LRRC14: variants seen among roughly 807,000 people sequenced by gnomAD.
LRRC14 encodes the protein leucine-rich repeat-containing protein 14.
Under a neutral mutation model 25.3 loss-of-function variants are expected in LRRC14, and 16 were observed. The ratio of observed to expected loss-of-function variants is 0.63; its 90% confidence interval spans 0.43 to 0.96. The LOEUF (loss-of-function observed/expected upper bound fraction) is 0.96. Ranked by LOEUF, LRRC14 falls within the 40% of genes least tolerant of loss-of-function variation. The probability of loss-of-function intolerance (pLI) is 0.00; values close to 1 mark genes in which losing one functional copy is unlikely to be tolerated. For missense variants in LRRC14, 594 were observed against 660.5 expected, an observed-to-expected ratio of 0.90 and a Z score of 1.10; for synonymous variants, 359 against 295.1, an observed-to-expected ratio of 1.22 and a Z score of -2.22.
Position 144,520,225 on chromosome 8 carries a change from T to C in LRRC14, c.330-13T>C, listed in dbSNP as rs1261471168. On this transcript the variant is annotated splice_polypyrimidine_tract_variant and intron_variant, in intron 2 of 3. Coordinates refer to ENST00000292524, the MANE Select transcript of LRRC14 (RefSeq NM_014665.4). The stretch of plus-strand genomic sequence containing the variant: ...GCCCCTCCACCCCTTCCTCACACCA[T>C]TCCTACTCCCAGGAAGCATGCGCTG... The C allele has an allele frequency of 6.2e-7, 1 of 1,603,482 alleles. No homozygotes were observed. Among genetic ancestry groups the C allele is most frequent in the Non-Finnish European group, 8.5e-7 (1 of 1,179,144 alleles).
In LRRC14 at chr8:144,520,231, C is replaced by T. The variant is rs1815911573; in HGVS notation, c.330-7C>T. The T allele has an allele frequency of 2.5e-6, 4 of 1,604,862 alleles. No individual in the cohort carries two copies. The highest frequency in any genetic ancestry group is 3.4e-6 in the Non-Finnish European group (4 of 1,179,306). ...CCACCCCTTCCTCACACCATTCCTACTCCCAGGAAGCATGCGCTGCGGGTG... is the reference window on the plus strand; with the variant it reads ...CCACCCCTTCCTCACACCATTCCTATTCCCAGGAAGCATGCGCTGCGGGTG... On this transcript the variant is annotated splice_polypyrimidine_tract_variant and splice_region_variant and intron_variant, in intron 2 of 3. Coordinates refer to ENST00000292524, the MANE Select transcript of LRRC14 (RefSeq NM_014665.4).
chr8:144,521,388 G>C lies in LRRC14; in HGVS notation c.1392G>C (p.Leu464Phe), dbSNP rs1308102943. 1 of 1,612,144 alleles carries C rather than the reference G, an allele frequency of 6.2e-7. No homozygotes were observed. The highest frequency in any genetic ancestry group is 8.5e-7 in the Non-Finnish European group (1 of 1,180,008). The change falls in exon 4 of 4, where the codon TTG becomes TTC. Residue 464 changes from leucine (L) to phenylalanine (F), a missense_variant. Transcript: ENST00000292524. ...EEKFARVEAELHQLLLASGRA... is the reference protein window; with the variant it reads ...EEKFARVEAEFHQLLLASGRA... ...AGTTTGCCCGCGTAGAAGCTGAGTT[G>C]CACCAGCTGCTTCTAGCCTCAGGCC...
chr8:144,524,730 G>A lies in LRRC14; in HGVS notation c.*3252G>A, dbSNP rs184622405. Reference sequence around the variant, plus strand: ...CTGCAGGAACAGTGTCTGCAGGCCGGGGAAAGAGGAGGCGCTTACCCCGTT... The same window carrying A: ...CTGCAGGAACAGTGTCTGCAGGCCGAGGAAAGAGGAGGCGCTTACCCCGTT... On this transcript the variant is annotated 3_prime_UTR_variant, in exon 4 of 4. Transcript: ENST00000292524. 419 of 1,443,786 alleles carry A rather than the reference G, an allele frequency of 2.9e-4. 1 individual carries two copies. The African/African-American group carries it at 5.9e-3, about 20-fold the overall frequency. The allele number at this position is 1,443,786 out of a possible 1,614,324, so 89.4% of individuals were successfully genotyped here.
chr8:144,520,516 AG>A lies in LRRC14; in HGVS notation c.610del (p.Asp204ThrfsTer36). 6.3e-7 allele frequency: 1 copy of A among 1,599,206 alleles called. No individual in the cohort carries two copies. The highest frequency in any genetic ancestry group is 8.5e-7 in the Non-Finnish European group (1 of 1,179,230). On this transcript the variant is annotated frameshift_variant, in exon 3 of 4. Transcript: ENST00000292524. LOFTEE classifies it high-confidence loss of function. Reference protein sequence around the residue: ...LRLCCRDLRAEDLPMRNTVAL... With the variant: ...LRLCCRDLRAXDLPMRNTVAL... ...CTCTGCTGCCGGGACCTGCGAGCTG[AG>A]GACCTGCCCATGCGCAACACTGTGG...
rs1407307656 is a variant in LRRC14, at chr8:144,524,460, A to G, written c.*2982A>G. On this transcript the variant is annotated 3_prime_UTR_variant, in exon 4 of 4. Transcript: ENST00000292524. ...GCTCACCGGCAGGTGCAAGAAGGTGAAATCCAGCAGCCGCGCCAGCTGGTT... is the reference window on the plus strand; with the variant it reads ...GCTCACCGGCAGGTGCAAGAAGGTGGAATCCAGCAGCCGCGCCAGCTGGTT... 2.5e-6 allele frequency: 4 copies of G among 1,597,962 alleles called. No homozygotes were observed. Among genetic ancestry groups the G allele is most frequent in the Non-Finnish European group, 3.4e-6 (4 of 1,179,850 alleles).
Position 144,524,875 on chromosome 8 carries a change from C to G in LRRC14, c.*3397C>G. Reference sequence around the variant, plus strand: ...CGCAACCGCAGGGCGCCACACTCCACCGTGGCGCTGTAGCAGCGGCAGGCT... The same window carrying G: ...CGCAACCGCAGGGCGCCACACTCCAGCGTGGCGCTGTAGCAGCGGCAGGCT... On this transcript the variant is annotated 3_prime_UTR_variant, in exon 4 of 4. Transcript: ENST00000292524. 6.6e-7 allele frequency: 1 copy of G among 1,512,584 alleles called. No homozygotes were observed. The allele number at this position is 1,512,584 out of a possible 1,614,324, so 93.7% of individuals were successfully genotyped here.
chr8:144,522,689 G>T lies in LRRC14; in HGVS notation c.*1211G>T, dbSNP rs764602638. On this transcript the variant is annotated 3_prime_UTR_variant, in exon 4 of 4. Coordinates refer to ENST00000292524, the MANE Select transcript of LRRC14 (RefSeq NM_014665.4). ...GTCCAAGTAGTCGTTGACGAACAGC[G>T]CTCCCTCCCCCGGAGGCCCCCGCGC... 11 of 1,596,338 alleles carry T rather than the reference G, an allele frequency of 6.9e-6. No individual in the cohort carries two copies. The highest frequency in any genetic ancestry group is 9.4e-6 in the Non-Finnish European group (11 of 1,172,656).
Position 144,524,525 on chromosome 8 carries a change from G to A in LRRC14, c.*3047G>A. 1 of 1,591,462 alleles carries A rather than the reference G, an allele frequency of 6.3e-7. No individual in the cohort carries two copies. Among genetic ancestry groups the A allele is most frequent in the Non-Finnish European group, 8.5e-7 (1 of 1,177,266 alleles). ...GCACGCGCAGCTGGGCCAGGCCTAC[G>A]AAGGCGCCGCTGCGCAAGCCGCGCA... is the stretch of plus-strand genomic sequence containing the variant. On this transcript the variant is annotated 3_prime_UTR_variant, in exon 4 of 4. Coordinates refer to ENST00000292524, the MANE Select transcript of LRRC14 (RefSeq NM_014665.4).
rs1392467660 is a variant in LRRC14 at position 144,523,605 on chromosome 8, C to T, written c.*2127C>T. ...AGGCCCTTCACCCTCGCCCCCCTCC[C>T]CTTTAGCTCTGTGATGCCTGCCTGT... On this transcript the variant is annotated 3_prime_UTR_variant, in exon 4 of 4. Coordinates refer to ENST00000292524, the MANE Select transcript of LRRC14 (RefSeq NM_014665.4). The T allele has an allele frequency of 5.1e-6, 4 of 788,594 alleles. No homozygotes were observed. Among genetic ancestry groups the T allele is most frequent in the African/African-American group, 3.6e-5 (2 of 54,896 alleles). 48.8% of individuals were successfully genotyped at this position (788,594 alleles called of 1,614,324 possible). A position where few individuals can be genotyped will look rare whatever the true frequency, so the allele number is the denominator to read the frequency against.
At chr8:144,520,132 G>C in intron 2 of LRRC14, 78 bp downstream of exon 2, 1 of 1,569,666 alleles carries the variant, frequency 6.4e-7, no homozygotes, top group Admixed American at 1.7e-5. Context: ...CATAAAGTTA[G>C]CAAGAGCTCA....
rs780376130 is a variant in LRRC14 at position 144,521,359 on chromosome 8, G to A, written c.1363G>A (p.Glu455Lys). 4 of 1,612,878 alleles carry A rather than the reference G, an allele frequency of 2.5e-6. No homozygotes were observed. In the East Asian group the frequency reaches 8.9e-5, roughly 36 times the overall value. Residue 455 changes from glutamate to lysine, a missense_variant, in exon 4 of 4, where the codon GAG becomes AAG. Transcript: ENST00000292524. The stretch of plus-strand genomic sequence containing the variant: ...CCTGCTGGAGGCCTCCATCAATGAG[G>A]AGAAGTTTGCCCGCGTAGAAGCTGA... ...SVLLEASINE[E>K]KFARVEAELH...
chr8:144,521,574 C>G lies in LRRC14; in HGVS notation c.*96C>G. The G allele has an allele frequency of 8.1e-7, 1 of 1,238,154 alleles. No homozygotes were observed. The highest frequency in any genetic ancestry group is 1.1e-6 in the Non-Finnish European group (1 of 911,402). The allele number at this position is 1,238,154 out of a possible 1,614,324, so 76.7% of individuals were successfully genotyped here. On this transcript the variant is annotated 3_prime_UTR_variant, in exon 4 of 4. Transcript: ENST00000292524. ...CCTGGTGGAGGCCTTCACAAAAGCA[C>G]TGGTTACTGGTTTCCTGCTGGGTCT... is the stretch of plus-strand genomic sequence containing the variant.
In LRRC14 at chr8:144,521,964, C is replaced by T. The variant is rs1816096608; in HGVS notation, c.*486C>T. 2 of 176,672 alleles carry T rather than the reference C, an allele frequency of 1.1e-5. No individual in the cohort carries two copies. The highest frequency in any genetic ancestry group is 3.0e-4 in the South Asian group (2 of 6,748). The allele number at this position is 176,672 out of a possible 1,614,324, so 10.9% of individuals were successfully genotyped here. A position where few individuals can be genotyped will look rare whatever the true frequency, so the allele number is the denominator to read the frequency against. ...TTCCCTACCCTGCCACCCAGCCACC[C>T]CACTGGGCTGGGCTCGGGCTGGAGG... is the stretch of plus-strand genomic sequence containing the variant. On this transcript the variant is annotated 3_prime_UTR_variant, in exon 4 of 4. Transcript: ENST00000292524.
At position 144,524,625 on chromosome 8, in the gene LRRC14, CTGT is replaced by C. The variant is rs948236459; in HGVS notation, c.*3154_*3156del. ...GGCGCCGGCCTCCAGGGCGCGCAGG[CTGT>C]TGTTGTGCAGGTAGAGCCGGCGCAG... is the stretch of plus-strand genomic sequence containing the variant. On this transcript the variant is annotated 3_prime_UTR_variant, in exon 4 of 4. Transcript: ENST00000292524. 216 of 1,523,018 alleles carry C rather than the reference CTGT, an allele frequency of 1.4e-4. No homozygotes were observed. The highest frequency in any genetic ancestry group is 2.5e-4 in the Admixed American group (12 of 47,568). The allele number at this position is 1,523,018 out of a possible 1,614,324, so 94.3% of individuals were successfully genotyped here.
chr8:144,520,405 A>C lies in LRRC14; in HGVS notation c.497A>C (p.Glu166Ala). Residue 166 changes from glutamate (E) to alanine (A), a missense_variant, in exon 3 of 4, where the codon GAG (glutamate) becomes GCG (alanine). Physicochemically the swap from Glu to Ala is moderately radical, Grantham distance 107. Transcript: ENST00000292524. Reference sequence around the variant, plus strand: ...CCTGGGCCAGCCCCCATCCCCGTGGAGGTGCGCGTGGACCTGCGGGTGAAC... The same window carrying C: ...CCTGGGCCAGCCCCCATCCCCGTGGCGGTGCGCGTGGACCTGCGGGTGAAC... Reference protein sequence around the residue: ...AEPGPAPIPVEVRVDLRVNRA... With the variant: ...AEPGPAPIPVAVRVDLRVNRA... The C allele has an allele frequency of 6.2e-7, 1 of 1,605,710 alleles. No individual in the cohort carries two copies. Among genetic ancestry groups the C allele is most frequent in the Non-Finnish European group, 8.5e-7 (1 of 1,177,190 alleles).
In LRRC14 at chr8:144,523,386, C is replaced by T. The variant is rs1458795086; in HGVS notation, c.*1908C>T. 6.5e-7 allele frequency: 1 copy of T among 1,546,954 alleles called. No individual in the cohort carries two copies. Among genetic ancestry groups the T allele is most frequent in the Non-Finnish European group, 8.7e-7 (1 of 1,145,828 alleles). ...ATCCAGGCACCCAGCCAGTGCAGGG[C>T]GCAGTCACAGCGCCATGGGTTCTCT... On this transcript the variant is annotated 3_prime_UTR_variant, in exon 4 of 4. Coordinates refer to ENST00000292524, the MANE Select transcript of LRRC14 (RefSeq NM_014665.4).
Position 144,524,829 on chromosome 8 carries a change from G to T in LRRC14, c.*3351G>T. Reference sequence around the variant, plus strand: ...CACGGTGCCCACCTGCGTCCCTGGCGGGATTCCCAGCGGGACGACGCGCAA... The same window carrying T: ...CACGGTGCCCACCTGCGTCCCTGGCTGGATTCCCAGCGGGACGACGCGCAA... On this transcript the variant is annotated 3_prime_UTR_variant, in exon 4 of 4. Coordinates refer to ENST00000292524, the MANE Select transcript of LRRC14 (RefSeq NM_014665.4). 6.8e-7 allele frequency: 1 copy of T among 1,472,596 alleles called. No homozygotes were observed. The highest frequency in any genetic ancestry group is 1.3e-5 in the South Asian group (1 of 77,666). 91.2% of individuals were successfully genotyped at this position (1,472,596 alleles called of 1,614,324 possible).
chr8:144,522,449 C>A lies in LRRC14; in HGVS notation c.*971C>A. 1 of 1,395,270 alleles carries A rather than the reference C, an allele frequency of 7.2e-7. No homozygotes were observed. Among genetic ancestry groups the A allele is most frequent in the Non-Finnish European group, 9.2e-7 (1 of 1,083,638 alleles). The allele number at this position is 1,395,270 out of a possible 1,614,324, so 86.4% of individuals were successfully genotyped here. A position where few individuals can be genotyped will look rare whatever the true frequency, so the allele number is the denominator to read the frequency against. Reference sequence around the variant, plus strand: ...AGGCCGCACCGGCCAATCTCCGGCGCCCACGTCATCCGCGCGCCCGCGGCC... The same window carrying A: ...AGGCCGCACCGGCCAATCTCCGGCGACCACGTCATCCGCGCGCCCGCGGCC... On this transcript the variant is annotated 3_prime_UTR_variant, in exon 4 of 4. Coordinates refer to ENST00000292524, the MANE Select transcript of LRRC14 (RefSeq NM_014665.4).
Position 144,520,334 on chromosome 8 carries a change from C to T in LRRC14, c.426C>T (p.Ala142=), listed in dbSNP as rs781376666. 32 of 1,612,372 alleles carry T rather than the reference C, an allele frequency of 2.0e-5. No individual in the cohort carries two copies. The highest frequency in any genetic ancestry group is 8.8e-5 in the South Asian group (8 of 91,080). The change falls in exon 3 of 4, where the codon GCC becomes GCT. Residue 142 remains alanine (A), a synonymous_variant. Coordinates refer to ENST00000292524, the MANE Select transcript of LRRC14 (RefSeq NM_014665.4). ...TGAGCATGTGGGACTGTACTGCTGC[C>T]GTAGCTCGCACATGCATTGCCCAGC... ...GTMSMWDCTA[A]VARTCIAQQQ...
Sources: allele counts gnomAD v4.1 joint callset, GRCh38; gene constraint gnomAD v4.1.1; transcripts MANE v1.5; gene names NCBI Gene and HGNC (gene_info 2026-07-23, HGNC 2026-07-21).